TMEM87A: variants seen among roughly 807,000 people sequenced by gnomAD.
TMEM87A encodes the protein transmembrane protein 87A, also known as Golgi-pH regulating cation channel.
A neutral mutation model predicts 90.0 loss-of-function variants in TMEM87A; 50 were observed. The observed-to-expected ratio is 0.56, with a 90% CI of 0.44 to 0.70. The LOEUF (loss-of-function observed/expected upper bound fraction) is 0.70. Ranked by LOEUF, TMEM87A falls within the 30% of genes least tolerant of loss-of-function variation. The pLI, the probability that TMEM87A is intolerant of heterozygous loss-of-function variation, is 0.00. For synonymous variants in TMEM87A, 226 were observed against 226.7 expected (o/e 1.00, Z 0.03); for missense variants, 577 against 660.5 (o/e 0.87, Z 1.39).
At chr15:42,268,389 T>C (rs1442166783) in intron 2 of TMEM87A, among the ~76,000 whole-genome samples, 1 of 152,188 alleles carries the variant, frequency 6.6e-6, no homozygotes, top group Admixed American at 6.5e-5. Context: ...TTGAGCAGGC[T>C]AGGTGCGGTA....
intron 3 of TMEM87A, 94 bp downstream of exon 3, chr15:42,267,853 T>C: frequency 3.1e-6 from 3 of 972,680 alleles, no homozygotes; most frequent in East Asian, 2.6e-5. Context: ...TCCTCCTCCA[T>C]AGCTACATGA....
intron 7 of TMEM87A, among the ~76,000 whole-genome samples, chr15:42,241,780 G>A (rs1458472815): frequency 6.6e-6 from 1 of 152,092 alleles, no homozygotes; most frequent in Non-Finnish European, 1.5e-5. Context: ...TTGAAGTCAG[G>A]AGTTCAAGAC....
intron 7 of TMEM87A, among the ~76,000 whole-genome samples, chr15:42,241,896 C>T (rs1431348668): frequency 6.6e-6 from 1 of 151,186 alleles, no homozygotes. Context: ...TGTAAAAACA[C>T]AATGTACTAA....
At chr15:42,237,352 G>A (rs1404169682) in intron 9 of TMEM87A, 80 bp downstream of exon 9, 10 of 1,403,198 alleles carry the variant, frequency 7.1e-6, no homozygotes, top group South Asian at 1.3e-5. Context: ...AGCCTATGTA[G>A]TGACTGCTGA....
At chr15:42,238,541 G>C (rs1327090996) in intron 8 of TMEM87A, among the ~76,000 whole-genome samples, 1 of 152,046 alleles carries the variant, frequency 6.6e-6, no homozygotes, top group Non-Finnish European at 1.5e-5. Context: ...TTCCACTCCA[G>C]TCTGGGTGAC....
At chr15:42,218,014 A>G (rs774284826) in intron 18 of TMEM87A, 181 bp from the exon 19 acceptor site, 12 of 667,204 alleles carry the variant, frequency 1.8e-5, no homozygotes, top group Non-Finnish European at 2.2e-5. Flanking sequence ...GAAATTGTAT[A>G]GAAAAAAAAC....
chr15:42,268,441 G>A (rs901599917), intron 2 of TMEM87A, among the ~76,000 whole-genome samples: 2 of 152,180 alleles, frequency 1.3e-5, no homozygotes, highest in African/African-American at 4.8e-5. Flanking sequence ...GCCAAGGCAG[G>A]GGGATCGCTT....
intron 2 of TMEM87A, 123 bp from the exon 3 acceptor site, chr15:42,268,155 C>T (rs1001953173): frequency 6.4e-5 from 40 of 625,690 alleles, no homozygotes; most frequent in Non-Finnish European, 9.5e-5. Context: ...ACCATCCTTT[C>T]TCCAAACATA....
chr15:42,218,416 C>A (rs754272195), intron 17 of TMEM87A, 38 bp from the exon 18 acceptor site: 4 of 1,588,592 alleles, frequency 2.5e-6, no homozygotes, highest in Non-Finnish European at 2.6e-6. Context: ...CTAAAATGCA[C>A]CACATAATAC....
At chr15:42,251,515 T>C (rs1422169689) in intron 6 of TMEM87A, among the ~76,000 whole-genome samples, 3 of 152,254 alleles carry the variant, frequency 2.0e-5, no homozygotes, top group Admixed American at 1.3e-4. Flanking sequence ...GCTGCAGGTC[T>C]GTTGGAGTTT....
intron 7 of TMEM87A, among the ~76,000 whole-genome samples, chr15:42,241,095 G>C (rs776567647): frequency 3.3e-5 from 5 of 152,170 alleles, no homozygotes; most frequent in African/African-American, 9.7e-5. Flanking sequence ...AGTTATAATA[G>C]AGAAAAAATT....
chr15:42,241,112 C>T (rs187399821), intron 7 of TMEM87A, among the ~76,000 whole-genome samples: 1 of 152,338 alleles, frequency 6.6e-6, no homozygotes, highest in East Asian at 1.9e-4. Context: ...AATTTACTAC[C>T]TGACTCTTTA....
rs768492822 is a variant in TMEM87A at position 42,267,937 on chromosome 15, T to C, written c.291+10A>G. The C allele has an allele frequency of 4.4e-6, 7 of 1,604,556 alleles. No individual in the cohort carries two copies. In the South Asian group the frequency reaches 6.7e-5, roughly 15 times the overall value. On this transcript the variant is annotated intron_variant, in intron 3 of 19. Coordinates refer to ENST00000389834, the MANE Select transcript of TMEM87A (RefSeq NM_015497.5). Reference sequence around the variant, plus strand: ...GGTCCAAAAAAACTCTGTAATTTTATGTTCCTTACCTTGAAGTTATAGATT... The same window carrying C: ...GGTCCAAAAAAACTCTGTAATTTTACGTTCCTTACCTTGAAGTTATAGATT...
chr15:42,220,950 C>G (rs993650446), intron 15 of TMEM87A, among the ~76,000 whole-genome samples: 1 of 151,934 alleles, frequency 6.6e-6, no homozygotes, highest in African/African-American at 2.4e-5. Context: ...CGCCACGATG[C>G]CTGGCCAATT....
At chr15:42,227,842 G>T in intron 13 of TMEM87A, 73 bp from the exon 14 acceptor site, 2 of 1,391,712 alleles carry the variant, frequency 1.4e-6, no homozygotes, top group Non-Finnish European at 1.0e-6. Context: ...CCCCATTTCC[G>T]GTTAAGTGGA....
chr15:42,272,936 G>T (rs752320371), intron 1 of TMEM87A: 1 of 528,020 alleles, frequency 1.9e-6, no homozygotes, highest in South Asian at 1.5e-5. Context: ...TGAAACATCT[G>T]AAAGATAAAC....
chr15:42,245,211 C>T (rs1211211376), intron 6 of TMEM87A, among the ~76,000 whole-genome samples: 1 of 152,170 alleles, frequency 6.6e-6, no homozygotes, highest in Non-Finnish European at 1.5e-5. Flanking sequence ...TCTGACGAGA[C>T]TCACAACCAA....
At chr15:42,217,899 C>T in intron 18 of TMEM87A, 66 bp from the exon 19 acceptor site, 9 of 1,491,964 alleles carry the variant, frequency 6.0e-6, no homozygotes, top group Non-Finnish European at 7.3e-6. Flanking sequence ...TCATAAAAGA[C>T]AATGGAATAA....
intron 6 of TMEM87A, chr15:42,257,906 T>C (rs145606830): frequency 4.1e-6 from 4 of 984,072 alleles, no homozygotes; most frequent in Admixed American, 1.2e-4. Flanking sequence ...GCATGTGCTC[T>C]GTGTAATCAC....
Sources: gnomAD v4.1 joint callset for allele counts (sites outside exome capture counted in the v4.1 genomes callset) on GRCh38, gnomAD v4.1.1 for gene constraint, MANE v1.5 for transcripts, NCBI Gene and HGNC (gene_info 2026-07-23, HGNC 2026-07-21) for gene names.